LMO7: variants seen among roughly 807,000 people sequenced by gnomAD.
LMO7 encodes LIM domain 7.
LMO7 carries 120 observed loss-of-function variants against 206.5 expected under a neutral mutation model. The ratio of observed to expected loss-of-function variants is 0.58; its 90% CI spans 0.50 to 0.68. The LOEUF is 0.68. Among genes scored for constraint, LMO7 ranks in the 30% least tolerant of loss-of-function variants. The pLI is 0.00. For synonymous variants in LMO7, 706 were observed against 681.5 expected, an observed-to-expected ratio of 1.04 and a Z score of -0.56; for missense variants, 1,959 against 1,957.9, an observed-to-expected ratio of 1.00 and a Z score of -0.01.
At chr13:75,750,377 CTTTTTTTTTTT>C (rs34407423) in intron 3 of LMO7, among the ~76,000 whole-genome samples, 1 of 93,384 alleles carries the variant, frequency 1.1e-5, no homozygotes, top group East Asian at 3.1e-4. Context: ...CTGGGGGATC[CTTTTTTTTTTT>C]TTTTTTTTTT....
At chr13:75,704,117 C>T (rs2137949066) in intron 1 of LMO7, among the ~76,000 whole-genome samples, 1 of 152,294 alleles carries the variant, frequency 6.6e-6, no homozygotes, top group African/African-American at 2.4e-5. Context: ...AATTGATTGA[C>T]AGCTTTAGAG....
chr13:75,840,530 G>A (rs1189878793), intron 22 of LMO7, 35 bp downstream of exon 22: 1 of 1,605,390 alleles, frequency 6.2e-7, no homozygotes, highest in East Asian at 2.2e-5. Context: ...TAGAAACTAG[G>A]TTGGATTTCA....
chr13:75,745,411 AG>A (rs2046759897), intron 3 of LMO7, among the ~76,000 whole-genome samples: 1 of 152,180 alleles, frequency 6.6e-6, no homozygotes, highest in African/African-American at 2.4e-5. Context: ...ATGGTATGTG[AG>A]TTTTATCTCA....
At chr13:75,826,981 C>T (rs1566559142) in intron 15 of LMO7, among the ~76,000 whole-genome samples, 1 of 152,082 alleles carries the variant, frequency 6.6e-6, no homozygotes, top group Non-Finnish European at 1.5e-5. Flanking sequence ...TTTTGAGGTC[C>T]AATTATTTCT....
chr13:75,763,100 A>G (rs1286434179), intron 4 of LMO7, among the ~76,000 whole-genome samples: 3 of 152,250 alleles, frequency 2.0e-5, no homozygotes, highest in East Asian at 1.9e-4. Context: ...TTGTAGATCA[A>G]AGGACTTAGT....
In LMO7 at chr13:75,641,476, A is replaced by G. The variant is rs181070404; in HGVS notation, c.69+4750A>G. ...TATATGCCCAAGTCACCAGAACCCAATCAAGATACAGAATGCTTTTTATCA... is the reference window on the plus strand; with the variant it reads ...TATATGCCCAAGTCACCAGAACCCAGTCAAGATACAGAATGCTTTTTATCA... On this transcript the variant is annotated intron_variant, in intron 1 of 30. Transcript: ENST00000377534. Among the ~76,000 whole-genome samples, 18 of 152,326 alleles carry G rather than the reference A, an allele frequency of 1.2e-4. No homozygotes were observed. In the East Asian group the frequency reaches 2.5e-3, roughly 21 times the overall value.
intron 11 of LMO7, 163 bp from the exon 12 acceptor site, chr13:75,816,998 G>T: frequency 2.1e-6 from 1 of 469,332 alleles, no homozygotes; most frequent in Non-Finnish European, 3.8e-6. Context: ...TCTGAGTTTT[G>T]GAAAAACACC....
chr13:75,782,807 C>G (rs80011621), intron 4 of LMO7, among the ~76,000 whole-genome samples: 2 of 152,102 alleles, frequency 1.3e-5, no homozygotes, highest in South Asian at 2.1e-4. Flanking sequence ...CTACAACAGT[C>G]GAGTCTCCCT....
At chr13:75,634,181 C>T (rs1353856890), upstream of LMO7, among the ~76,000 whole-genome samples, 3 of 151,892 alleles carry the variant, frequency 2.0e-5, no homozygotes, top group African/African-American at 7.3e-5. Flanking sequence ...AACTCTCCAC[C>T]AGGCTCAGCA....
chr13:75,674,597 G>T (rs1391677246), intron 1 of LMO7, among the ~76,000 whole-genome samples: 1 of 152,126 alleles, frequency 6.6e-6, no homozygotes. Context: ...CCCGTGTGTT[G>T]GGAAACTCAA....
intron 29 of LMO7, among the ~76,000 whole-genome samples, chr13:75,856,234 T>C (rs2060929663): frequency 6.6e-6 from 1 of 152,202 alleles, no homozygotes; most frequent in South Asian, 2.1e-4. Context: ...ACTAAATTTC[T>C]TAAAGTCAAT....
intron 3 of LMO7, 137 bp from the exon 4 acceptor site, chr13:75,760,795 A>G (rs1237243523): frequency 2.6e-6 from 4 of 1,544,186 alleles, no homozygotes; most frequent in Non-Finnish European, 3.5e-6. Context: ...TCAAATATAC[A>G]TATGCATGGG....
chr13:75,734,707 G>C (rs2045623414), intron 3 of LMO7, among the ~76,000 whole-genome samples: 1 of 152,144 alleles, frequency 6.6e-6, no homozygotes, highest in Non-Finnish European at 1.5e-5. Context: ...AAAGTTCCCA[G>C]AGCAGCTGGG....
intron 3 of LMO7, 108 bp from the exon 4 acceptor site, chr13:75,760,824 T>G (rs550897758): frequency 1.3e-6 from 2 of 1,556,706 alleles, no homozygotes; most frequent in East Asian, 4.8e-5. Flanking sequence ...CTGCCTCTTT[T>G]GCTGACTGTA....
chr13:75,685,697 G>A (rs1186051339), intron 1 of LMO7, among the ~76,000 whole-genome samples: 1 of 151,962 alleles, frequency 6.6e-6, no homozygotes, highest in Non-Finnish European at 1.5e-5. Context: ...CTGGAATGGT[G>A]GCTGATAGAC....
At chr13:75,711,594 G>T (rs556639997) in intron 1 of LMO7, among the ~76,000 whole-genome samples, 30 of 152,248 alleles carry the variant, frequency 2.0e-4, no homozygotes, top group African/African-American at 7.0e-4. Context: ...GCCCTGCTTC[G>T]GCTCACGCTC....
intron 1 of LMO7, among the ~76,000 whole-genome samples, chr13:75,677,027 TTTAAGACCTTA>T (rs2040071182): frequency 6.6e-6 from 1 of 152,202 alleles, no homozygotes; most frequent in Non-Finnish European, 1.5e-5. Context: ...AAAAAAGGCT[TTTAAGACCTTA>T]TTTATGATAT....
intron 27 of LMO7, 114 bp downstream of exon 27, chr13:75,849,406 CTGGGCACTAT>C: frequency 2.7e-6 from 2 of 740,546 alleles, no homozygotes; most frequent in Non-Finnish European, 4.6e-6. Context: ...AGCGAACGCT[CTGGGCACTAT>C]TATGTGTCAG....
At chr13:75,751,752 T>C (rs183505432) in intron 3 of LMO7, among the ~76,000 whole-genome samples, 15 of 152,198 alleles carry the variant, frequency 9.9e-5, no homozygotes, top group Admixed American at 2.6e-4. Flanking sequence ...CTTTTCACTT[T>C]TGCTTATAAT....
Sources: gnomAD v4.1 joint callset for allele counts (sites outside exome capture counted in the v4.1 genomes callset) on GRCh38, gnomAD v4.1.1 for gene constraint, MANE v1.5 for transcripts, NCBI Gene and HGNC (gene_info 2026-07-23, HGNC 2026-07-21) for gene names.